LRRN1: variants seen among roughly 807,000 people sequenced by gnomAD.
LRRN1 encodes the protein leucine-rich repeat neuronal protein 1.
LRRN1 carries 14 observed loss-of-function variants against 45.8 expected under a neutral mutation model. The ratio of observed to expected loss-of-function variants is 0.31; its 90% confidence interval spans 0.20 to 0.48. The LOEUF (loss-of-function observed/expected upper bound fraction) is 0.48. Among genes scored for constraint, LRRN1 ranks in the 20% least tolerant of loss-of-function variants. The pLI is 0.99. For synonymous variants in LRRN1, 359 were observed against 330.1 expected, an observed-to-expected ratio of 1.09 and a Z score of -0.95; for missense variants, 789 against 874.2, an observed-to-expected ratio of 0.90 and a Z score of 1.23.
chr3:3,824,700 A>G (rs969329690), intron 1 of LRRN1, among the ~76,000 whole-genome samples: 1 of 152,214 alleles, frequency 6.6e-6, no homozygotes, highest in African/African-American at 2.4e-5. Context: ...TAAATGATTC[A>G]TTGATGGAGC....
chr3:3,822,558 A>T (rs1559292808), intron 1 of LRRN1, among the ~76,000 whole-genome samples: 1 of 152,154 alleles, frequency 6.6e-6, no homozygotes, highest in Non-Finnish European at 1.5e-5. Context: ...CTTTCCAGAC[A>T]ATTAAGAATA....
At chr3:3,834,474 C>T (rs1367985248) in intron 1 of LRRN1, among the ~76,000 whole-genome samples, 1 of 125,002 alleles carries the variant, frequency 8.0e-6, no homozygotes, top group African/African-American at 2.9e-5. Flanking sequence ...CCTTTAGAAC[C>T]ACTCCTGGTA....
In LRRN1 at chr3:3,845,899, G is replaced by A. The variant is rs774769262; in HGVS notation, c.1258G>A (p.Glu420Lys). The change falls in exon 2 of 2, where the codon GAA (glutamate) becomes AAA (lysine). Residue 420 changes from glutamate (E) to lysine (K), a missense_variant. By Grantham distance (56) the Glu-to-Lys change is moderately conservative (BLOSUM62 1). Transcript: ENST00000319331. This position sits in a 1 kb window ranked among gnomAD's most constrained non-coding sequence, Gnocchi z 6.5. ...VKEVLIQDSS[E>K]QCLPMISHDS... ...GGAAGTTTTAATCCAGGATTCGAGT[G>A]AACAGTGCCTCCCAATGATATCTCA... The A allele has an allele frequency of 5.6e-6, 9 of 1,613,958 alleles. 1 individual carries two copies. The South Asian group carries it at 9.9e-5, about 18-fold the overall frequency.
chr3:3,817,876 C>A (rs1298286534), intron 1 of LRRN1, among the ~76,000 whole-genome samples: 2 of 152,144 alleles, frequency 1.3e-5, no homozygotes. Flanking sequence ...ATTATCCTCA[C>A]CATTACAAAC....
chr3:3,842,591 T>C (rs756618350), intron 1 of LRRN1, among the ~76,000 whole-genome samples: 8 of 152,184 alleles, frequency 5.3e-5, no homozygotes, highest in Non-Finnish European at 1.0e-4. Flanking sequence ...AGGTTAATAA[T>C]AGCAGCTAGC....
At position 3,844,692 on chromosome 3, in the gene LRRN1, A is replaced by G. The variant is rs768820456; in HGVS notation, c.51A>G (p.Leu17=). ...VIAACQLVLG[L]LMTSLTESSI... ...CAGCTTGCCAATTGGTGCTGGGCCTACTAATGACTTCATTAACCGAGTCTT... is the reference window on the plus strand; with the variant it reads ...CAGCTTGCCAATTGGTGCTGGGCCTGCTAATGACTTCATTAACCGAGTCTT... Residue 17 remains leucine (L), a synonymous_variant, in exon 2 of 2, where the codon CTA becomes CTG. Transcript: ENST00000319331. The G allele has an allele frequency of 5.6e-6, 9 of 1,614,140 alleles. No homozygotes were observed. In the Middle Eastern group the frequency reaches 1.2e-3, roughly 207 times the overall value.
intron 1 of LRRN1, among the ~76,000 whole-genome samples, chr3:3,824,530 GACCT>G (rs1693174653): frequency 9.4e-6 from 1 of 106,000 alleles, no homozygotes; most frequent in Non-Finnish European, 2.7e-5. Flanking sequence ...TTGTTCGGCT[GACCT>G]GACTAATTTT....
Position 3,816,814 on chromosome 3 carries a change from A to G in LRRN1, c.-279+16895A>G, listed in dbSNP as rs568916465. On this transcript the variant is annotated intron_variant, in intron 1 of 1. Transcript: ENST00000319331. This position sits in a 1 kb window ranked among gnomAD's most constrained non-coding sequence, Gnocchi z 4.0. ...TGTACTCTTGGGGTCCAATAAGACA[A>G]TTAAGGCAGGTGGTATCACAGAAAG... Among the ~76,000 whole-genome samples, 64 of 152,288 alleles carry G rather than the reference A, an allele frequency of 4.2e-4. No individual in the cohort carries two copies. The highest frequency in any genetic ancestry group is 1.5e-3 in the African/African-American group (61 of 41,566).
At chr3:3,811,821 G>A (rs1263078137) in intron 1 of LRRN1, among the ~76,000 whole-genome samples, 1 of 152,210 alleles carries the variant, frequency 6.6e-6, no homozygotes, top group Non-Finnish European at 1.5e-5. Flanking sequence ...ACTCATTGGG[G>A]AGGTAGAGTG....
In LRRN1 at chr3:3,831,350, C is replaced by G. The variant is rs190317157; in HGVS notation, c.-278-13014C>G. ...AAAAATTTTACTGAGGGGGAAGATT[C>G]CTGAATTTTAGTCAGATTTATTTCT... On this transcript the variant is annotated intron_variant, in intron 1 of 1. Coordinates refer to ENST00000319331, the MANE Select transcript of LRRN1 (RefSeq NM_020873.7). 4.9e-4 allele frequency among the ~76,000 whole-genome samples: 74 copies of G among 152,338 alleles called. 1 individual carries two copies. In the Middle Eastern group the frequency reaches 0.017, roughly 35 times the overall value.
rs574808268 is a variant in LRRN1 at position 3,818,184 on chromosome 3, A to G, written c.-279+18265A>G. ...GAAAGACTTAAACAGAAGTAATGCA[A>G]CTGGGCCTTCCAGGCATATTAAGCC... On this transcript the variant is annotated intron_variant, in intron 1 of 1. Transcript: ENST00000319331. 3.9e-5 allele frequency among the ~76,000 whole-genome samples: 6 copies of G among 152,372 alleles called. No homozygotes were observed. The South Asian group carries it at 1.0e-3, about 26-fold the overall frequency.
In LRRN1 at chr3:3,846,005, C is replaced by T. The variant is rs1362820506; in HGVS notation, c.1364C>T (p.Pro455Leu). ...TGTCGAGCCATGGCTGAGCCAGAAC[C>T]TGAAATTTACTGGGTCACTCCCATT... Reference protein sequence around the residue: ...LDCRAMAEPEPEIYWVTPIGN... With the variant: ...LDCRAMAEPELEIYWVTPIGN... The change falls in exon 2 of 2, where the codon CCT becomes CTT. Residue 455 changes from proline (P) to leucine (L), a missense_variant. Coordinates refer to ENST00000319331, the MANE Select transcript of LRRN1 (RefSeq NM_020873.7). This position sits in a 1 kb window ranked among gnomAD's most constrained non-coding sequence, Gnocchi z 5.7. 6.2e-7 allele frequency: 1 copy of T among 1,613,896 alleles called. No individual in the cohort carries two copies. Among genetic ancestry groups the T allele is most frequent in the East Asian group, 2.2e-5 (1 of 44,852 alleles).
chr3:3,811,009 T>TA (rs1186029007), intron 1 of LRRN1, among the ~76,000 whole-genome samples: 1 of 152,218 alleles, frequency 6.6e-6, no homozygotes, highest in African/African-American at 2.4e-5. Context: ...ATTTACAGGT[T>TA]AATTGTAGAT....
intron 1 of LRRN1, among the ~76,000 whole-genome samples, chr3:3,821,472 G>A (rs1693104204): frequency 6.6e-6 from 1 of 151,502 alleles, no homozygotes; most frequent in South Asian, 2.1e-4. Flanking sequence ...TTTTTTTTGA[G>A]TAACTTGTGT....
Position 3,824,121 on chromosome 3 carries a change from C to CA in LRRN1, c.-278-20242dup, listed in dbSNP as rs139728617. ...AGCATTCAGGCATGGGCCCTATGTC[C>CA]ATGACTTACTAGCTCACTTGAGACA... On this transcript the variant is annotated intron_variant, in intron 1 of 1. Coordinates refer to ENST00000319331, the MANE Select transcript of LRRN1 (RefSeq NM_020873.7). 9.8e-5 allele frequency among the ~76,000 whole-genome samples: 15 copies of CA among 152,298 alleles called. No homozygotes were observed. The East Asian group carries it at 2.5e-3, about 25-fold the overall frequency.
intron 1 of LRRN1, among the ~76,000 whole-genome samples, chr3:3,837,947 C>T (rs567218842): frequency 6.6e-6 from 1 of 152,068 alleles, no homozygotes; most frequent in Non-Finnish European, 1.5e-5. Flanking sequence ...CATGTGTTCT[C>T]ATTTTTCAGC....
chr3:3,802,290 C>T (rs1692670514), intron 1 of LRRN1, among the ~76,000 whole-genome samples: 1 of 152,158 alleles, frequency 6.6e-6, no homozygotes, highest in Non-Finnish European at 1.5e-5. Context: ...CAGTGTGGGC[C>T]GCACGTGAGG....
intron 1 of LRRN1, among the ~76,000 whole-genome samples, chr3:3,818,186 T>G (rs963356167): frequency 7.2e-5 from 11 of 152,246 alleles, no homozygotes; most frequent in Non-Finnish European, 1.6e-4. Flanking sequence ...GTAATGCAAC[T>G]GGGCCTTCCA....
In LRRN1 at chr3:3,844,347, C is replaced by A; in HGVS notation, c.-278-17C>A. The A allele has an allele frequency of 3.1e-6, 1 of 326,044 alleles. No homozygotes were observed. Among genetic ancestry groups the A allele is most frequent in the African/African-American group, 2.1e-5 (1 of 47,336 alleles). 20.2% of individuals were successfully genotyped at this position (326,044 alleles called of 1,614,324 possible). A position where few individuals can be genotyped will look rare whatever the true frequency, so the allele number is the denominator to read the frequency against. On this transcript the variant is annotated splice_polypyrimidine_tract_variant and intron_variant, in intron 1 of 1. Transcript: ENST00000319331. ...TATATGGAATAAGCATAACATCTGT[C>A]CTAATCTAATTTTCAGGCACATCTC...
Sources: gnomAD v4.1 joint callset for allele counts (sites outside exome capture counted in the v4.1 genomes callset) on GRCh38, gnomAD v4.1.1 for gene constraint, Gnocchi (gnomAD v3.1) non-coding constraint, MANE v1.5 for transcripts, NCBI Gene and HGNC (gene_info 2026-07-23, HGNC 2026-07-21) for gene names.